Variants in AQP9 observed in about 807,000 individuals in gnomAD.
The protein encoded by AQP9 is aquaporin 9.
A neutral mutation model predicts 23.8 loss-of-function variants in AQP9; 19 were observed. The observed-to-expected ratio is 0.80, with a 90% CI of 0.56 to 1.17. AQP9 has a LOEUF of 1.17. Ranked by LOEUF, AQP9 falls within the 50% of genes most tolerant of loss-of-function variation. AQP9 has a pLI of 0.00. For missense variants in AQP9, 413 were observed against 362.0 expected (o/e 1.14, Z -1.14); for synonymous variants, 153 against 131.5 (o/e 1.16, Z -1.12).
intron 2 of AQP9, among the ~76,000 whole-genome samples, chr15:58,171,995 A>G (rs574185853): frequency 1.4e-4 from 22 of 152,352 alleles, no homozygotes; most frequent in African/African-American, 4.8e-4. Context: ...ATCTGTTTTC[A>G]CTAGGAAGTG....
intron 1 of AQP9, among the ~76,000 whole-genome samples, chr15:58,148,956 TG>T (rs1224188062): frequency 6.6e-6 from 1 of 152,152 alleles, no homozygotes; most frequent in East Asian, 1.9e-4. Context: ...GGTTCTTGGG[TG>T]ATTGACCTCT....
intron 1 of AQP9, among the ~76,000 whole-genome samples, chr15:58,165,122 A>G (rs1197792212): frequency 6.6e-6 from 1 of 152,102 alleles, no homozygotes. Flanking sequence ...TTTTTTAGTT[A>G]TAAAACCCCA....
At chr15:58,160,908 T>A (rs1898366109) in intron 1 of AQP9, among the ~76,000 whole-genome samples, 1 of 152,056 alleles carries the variant, frequency 6.6e-6, no homozygotes, top group African/African-American at 2.4e-5. Context: ...TGTGCAGGGA[T>A]GAAAATAAGT....
chr15:58,145,711 A>T (rs1898032816), intron 1 of AQP9, among the ~76,000 whole-genome samples: 1 of 152,096 alleles, frequency 6.6e-6, no homozygotes, highest in South Asian at 2.1e-4. Flanking sequence ...ATGCATTCCT[A>T]TCATTTACTG....
chr15:58,177,098 T>C (rs3825777), intron 4 of AQP9, among the ~76,000 whole-genome samples: 18,888 of 152,208 alleles, frequency 0.12, 1,436 homozygotes, highest in Non-Finnish European at 0.17. Context: ...GTTCCAAAAA[T>C]TGCCAATTAT....
At chr15:58,150,233 C>T (rs1248792960) in intron 1 of AQP9, 1 of 152,626 alleles carries the variant, frequency 6.6e-6, no homozygotes, top group Non-Finnish European at 1.5e-5. Flanking sequence ...TCAGGAGTTT[C>T]AATTACTTGA....
Position 58,138,675 on chromosome 15 carries a change from T to C in AQP9, c.110T>C (p.Ile37Thr). The C allele has an allele frequency of 6.2e-7, 1 of 1,613,148 alleles. No individual in the cohort carries two copies. The highest frequency in any genetic ancestry group is 8.5e-7 in the Non-Finnish European group (1 of 1,179,220). ...LSEFLGTFIL[I>T]VLGCGCVAQA... Reference sequence around the variant, plus strand: ...GAGTTCTTGGGCACGTTCATCTTGATTGTAAGTATTTCCTGATTTCCTACA... The same window carrying C: ...GAGTTCTTGGGCACGTTCATCTTGACTGTAAGTATTTCCTGATTTCCTACA... The change falls in exon 1 of 6, where the codon ATT becomes ACT. Residue 37 changes from isoleucine (I) to threonine (T), a missense_variant and splice_region_variant. Ile to Thr is a moderately conservative substitution (Grantham distance 89). Transcript: ENST00000219919.
chr15:58,180,629 T>A (rs1464216948), intron 5 of AQP9, among the ~76,000 whole-genome samples: 1 of 152,124 alleles, frequency 6.6e-6, no homozygotes, highest in Admixed American at 6.5e-5. Context: ...CCTCAAGAAA[T>A]TGACAATCCA....
Position 58,181,013 on chromosome 15 carries a change from C to T in AQP9, c.713+1668C>T, listed in dbSNP as rs184920284. Among the ~76,000 whole-genome samples, 15 of 152,318 alleles carry T rather than the reference C, an allele frequency of 9.8e-5. No individual in the cohort carries two copies. In the East Asian group the frequency reaches 2.5e-3, roughly 25 times the overall value. ...CATGAGTTTCCCTTAATTCCACCATCCAGAGTCTCAGTCTTGGAGACCAAG... is the reference window on the plus strand; with the variant it reads ...CATGAGTTTCCCTTAATTCCACCATTCAGAGTCTCAGTCTTGGAGACCAAG... On this transcript the variant is annotated intron_variant, in intron 5 of 5. Coordinates refer to ENST00000219919, the MANE Select transcript of AQP9 (RefSeq NM_020980.5).
chr15:58,173,101 T>G lies in AQP9; in HGVS notation c.272T>G (p.Met91Arg). The G allele has an allele frequency of 6.2e-7, 1 of 1,614,012 alleles. No individual in the cohort carries two copies. Among genetic ancestry groups the G allele is most frequent in the Non-Finnish European group, 8.5e-7 (1 of 1,179,886 alleles). The change falls in exon 3 of 6, where the codon ATG becomes AGG. Residue 91 changes from methionine to arginine, a missense_variant. By Grantham distance (91) the Met-to-Arg change is moderately conservative. Transcript: ENST00000219919. ...GHINPAVSLAMCLFGRMKWFK... is the reference protein window; with the variant it reads ...GHINPAVSLARCLFGRMKWFK... The stretch of plus-strand genomic sequence containing the variant: ...ATCAACCCAGCTGTGTCTTTAGCAA[T>G]GTGTCTCTTTGGACGGATGAAATGG...
At chr15:58,169,343 T>C (rs376671235) in intron 2 of AQP9, among the ~76,000 whole-genome samples, 4 of 152,214 alleles carry the variant, frequency 2.6e-5, no homozygotes, top group East Asian at 3.8e-4. Flanking sequence ...CTTATCTTTC[T>C]ATCTCTATTT....
At chr15:58,161,790 AT>A (rs1220316834) in intron 1 of AQP9, among the ~76,000 whole-genome samples, 2 of 152,126 alleles carry the variant, frequency 1.3e-5, no homozygotes, top group Admixed American at 1.3e-4. Flanking sequence ...ATGTTATCTC[AT>A]TTGATTCTTT....
At chr15:58,139,998 G>A (rs1431938858) in intron 1 of AQP9, among the ~76,000 whole-genome samples, 2 of 152,104 alleles carry the variant, frequency 1.3e-5, no homozygotes, top group African/African-American at 4.8e-5. Context: ...ATGATTCCCG[G>A]TCACTGCTTA....
At chr15:58,145,841 T>C (rs141702452) in intron 1 of AQP9, among the ~76,000 whole-genome samples, 86 of 152,342 alleles carry the variant, frequency 5.6e-4, no homozygotes, top group African/African-American at 2.0e-3. Flanking sequence ...ATGAACTTTC[T>C]CAGTCTTTGT....
chr15:58,184,186 G>A lies in AQP9; in HGVS notation c.*51G>A. 6.3e-7 allele frequency: 1 copy of A among 1,578,738 alleles called. No individual in the cohort carries two copies. Among genetic ancestry groups the A allele is most frequent in the Non-Finnish European group, 8.7e-7 (1 of 1,155,046 alleles). ...GTCAGTTTGGGATTCTCTTCAGAAA[G>A]ATGGCATCTAAGTGTCTGTGTTCTT... On this transcript the variant is annotated 3_prime_UTR_variant, in exon 6 of 6. Coordinates refer to ENST00000219919, the MANE Select transcript of AQP9 (RefSeq NM_020980.5).
At position 58,182,968 on chromosome 15, in the gene AQP9, C is replaced by T. The variant is rs74682308; in HGVS notation, c.714-993C>T. On this transcript the variant is annotated intron_variant, in intron 5 of 5. Coordinates refer to ENST00000219919, the MANE Select transcript of AQP9 (RefSeq NM_020980.5). ...AGGGTTCTTGTGTCCTGCTTATTTC[C>T]TTTATCGTTCTTTCTAATCAAAGTT... Among the ~76,000 whole-genome samples, 14 of 152,226 alleles carry T rather than the reference C, an allele frequency of 9.2e-5. No individual in the cohort carries two copies. The East Asian group carries it at 2.5e-3, about 27-fold the overall frequency.
intron 4 of AQP9, 136 bp from the exon 5 acceptor site, chr15:58,178,992 G>C (rs1280878017): frequency 1.6e-6 from 1 of 630,494 alleles, no homozygotes; most frequent in Non-Finnish European, 2.7e-6. Context: ...GTACATGCCA[G>C]TTATTACTAG....
chr15:58,177,436 C>T (rs1025243007), intron 4 of AQP9, among the ~76,000 whole-genome samples: 2 of 152,128 alleles, frequency 1.3e-5, no homozygotes, highest in Admixed American at 1.3e-4. Flanking sequence ...TTTTACTCTG[C>T]AAGAGAGAGT....
intron 1 of AQP9, among the ~76,000 whole-genome samples, chr15:58,145,400 G>A (rs541264122): frequency 6.6e-6 from 1 of 151,996 alleles, no homozygotes; most frequent in South Asian, 2.1e-4. Flanking sequence ...CTACTCAGGA[G>A]GCTGAGGCAG....
Sources: gnomAD v4.1 joint callset for allele counts (sites outside exome capture counted in the v4.1 genomes callset) on GRCh38, gnomAD v4.1.1 for gene constraint, MANE v1.5 for transcripts, NCBI Gene and HGNC (gene_info 2026-07-23, HGNC 2026-07-21) for gene names.